The following SNX29 variants were observed in gnomAD, a reference collection of about 807,000 sequenced individuals.
The protein encoded by SNX29 is sorting nexin-29.
SNX29 carries 78 observed loss-of-function variants against 102.1 expected under a neutral mutation model. The ratio of observed to expected loss-of-function variants is 0.76; its 90% CI spans 0.64 to 0.92. SNX29 has a LOEUF of 0.92. Ranked by LOEUF, SNX29 falls within the 40% of genes least tolerant of loss-of-function variation. SNX29 has a pLI of 0.00. For missense variants in SNX29, 1,280 were observed against 1,061.7 expected (o/e 1.21, Z -2.86); for synonymous variants, 580 against 414.5 (o/e 1.40, Z -4.85).
intron 18 of SNX29, among the ~76,000 whole-genome samples, chr16:12,456,511 G>T (rs1178194649): frequency 6.6e-6 from 1 of 151,538 alleles, no homozygotes; most frequent in African/African-American, 2.4e-5. Flanking sequence ...GTGCACGTGT[G>T]TGTGTGTGTG....
At position 12,091,891 on chromosome 16, in the gene SNX29, C is replaced by T. The variant is rs991914044; in HGVS notation, c.1402+12976C>T. The stretch of plus-strand genomic sequence containing the variant: ...CAAGAAGAGGACCCTCACCAGATCC[C>T]GAATCTGTCGGTGCCTTGATCTTGG... On this transcript the variant is annotated intron_variant, in intron 11 of 20. Coordinates refer to ENST00000566228, the MANE Select transcript of SNX29 (RefSeq NM_032167.5). 2.6e-5 allele frequency among the ~76,000 whole-genome samples: 4 copies of T among 152,100 alleles called. No homozygotes were observed. In the South Asian group the frequency reaches 6.2e-4, roughly 24 times the overall value.
At chr16:12,274,844 C>T (rs919730796) in intron 14 of SNX29, among the ~76,000 whole-genome samples, 2 of 152,274 alleles carry the variant, frequency 1.3e-5, no homozygotes, top group East Asian at 1.9e-4. Flanking sequence ...GTTATAGTTT[C>T]ACTCTGTAAA....
intron 20 of SNX29, among the ~76,000 whole-genome samples, chr16:12,542,794 C>T (rs751378524): frequency 1.3e-5 from 2 of 150,954 alleles, no homozygotes; most frequent in East Asian, 2.0e-4. Context: ...TTAGTTAAAT[C>T]AGCAAGTAAG....
intron 20 of SNX29, among the ~76,000 whole-genome samples, chr16:12,540,084 ATTG>A (rs2077261105): frequency 6.6e-6 from 1 of 152,190 alleles, no homozygotes; most frequent in Non-Finnish European, 1.5e-5. Flanking sequence ...ATGTCTACCA[ATTG>A]TTAGCCTAAA....
intron 16 of SNX29, among the ~76,000 whole-genome samples, chr16:12,395,698 T>C (rs1285654375): frequency 6.6e-6 from 1 of 152,180 alleles, no homozygotes; most frequent in Non-Finnish European, 1.5e-5. Flanking sequence ...TTCTCCAAGA[T>C]TCCCCAGACT....
intron 16 of SNX29, among the ~76,000 whole-genome samples, chr16:12,385,782 GTAACTCTGTA>G (rs2083319587): frequency 6.6e-6 from 1 of 152,232 alleles, no homozygotes; most frequent in South Asian, 2.1e-4. Flanking sequence ...CCTTTTTCAA[GTAACTCTGTA>G]GGGTTTTCCC....
chr16:12,076,091 A>G (rs1397565306), intron 10 of SNX29, among the ~76,000 whole-genome samples: 1 of 152,184 alleles, frequency 6.6e-6, no homozygotes, highest in African/African-American at 2.4e-5. Context: ...TGAACAGGAA[A>G]GGGAACTCCC....
At chr16:12,242,101 G>C (rs1055549754) in intron 14 of SNX29, among the ~76,000 whole-genome samples, 1 of 152,104 alleles carries the variant, frequency 6.6e-6, no homozygotes, top group Non-Finnish European at 1.5e-5. Flanking sequence ...GAATGTGAGA[G>C]CTGGGGAGAA....
At position 12,568,991 on chromosome 16, in the gene SNX29, C is replaced by T. The variant is rs1244045335; in HGVS notation, c.*362C>T. On this transcript the variant is annotated 3_prime_UTR_variant, in exon 21 of 21. Transcript: ENST00000566228. ...GCCATGGTTGAGAGGCAAAGGTGAT[C>T]CCCTATATAGGAAGGTTCATGCAGA... 5 of 323,082 alleles carry T rather than the reference C, an allele frequency of 1.5e-5. No individual in the cohort carries two copies. The highest frequency in any genetic ancestry group is 2.8e-5 in the Non-Finnish European group (5 of 175,472). The allele number at this position is 323,082 out of a possible 1,614,324, so 20.0% of individuals were successfully genotyped here. A position where few individuals can be genotyped will look rare whatever the true frequency, so the allele number is the denominator to read the frequency against.
intron 19 of SNX29, among the ~76,000 whole-genome samples, chr16:12,519,207 A>C (rs2089996856): frequency 6.6e-6 from 1 of 152,214 alleles, no homozygotes; most frequent in Non-Finnish European, 1.5e-5. Context: ...CATACAAAAC[A>C]TACCTGTGGG....
chr16:12,296,960 C>T (rs1284026878), intron 15 of SNX29, among the ~76,000 whole-genome samples: 1 of 152,228 alleles, frequency 6.6e-6, no homozygotes, highest in Non-Finnish European at 1.5e-5. Flanking sequence ...TCACGGCATG[C>T]CTGGCTGCTG....
chr16:12,500,072 G>T (rs1014001918), intron 19 of SNX29, among the ~76,000 whole-genome samples: 11 of 152,142 alleles, frequency 7.2e-5, no homozygotes, highest in Non-Finnish European at 1.5e-4. Flanking sequence ...GCACACTGCA[G>T]CCTCAAACTC....
intron 13 of SNX29, among the ~76,000 whole-genome samples, chr16:12,194,766 A>G (rs2076729303): frequency 6.6e-6 from 1 of 151,800 alleles, no homozygotes; most frequent in East Asian, 1.9e-4. Context: ...AGCTGGGATT[A>G]CAGGCATGCA....
chr16:12,275,144 T>G lies in SNX29; in HGVS notation c.1679-2789T>G, dbSNP rs1596719739. On this transcript the variant is annotated intron_variant, in intron 14 of 20. Coordinates refer to ENST00000566228, the MANE Select transcript of SNX29 (RefSeq NM_032167.5). ...GATCCAAAGCTCCGTGAACTTTGACTTTGGGCCTCTTGGGGTGATCTGGCT... is the reference window on the plus strand; with the variant it reads ...GATCCAAAGCTCCGTGAACTTTGACGTTGGGCCTCTTGGGGTGATCTGGCT... Among the ~76,000 whole-genome samples, 6 of 152,232 alleles carry G rather than the reference T, an allele frequency of 3.9e-5. No individual in the cohort carries two copies. In the East Asian group the frequency reaches 1.2e-3, roughly 29 times the overall value.
intron 14 of SNX29, among the ~76,000 whole-genome samples, chr16:12,218,838 G>A (rs545809267): frequency 2.6e-5 from 4 of 151,950 alleles, no homozygotes; most frequent in South Asian, 2.1e-4. Context: ...GCAGTGGCGC[G>A]ACCTCGGCTC....
At chr16:12,548,021 C>T (rs2077718237) in intron 20 of SNX29, among the ~76,000 whole-genome samples, 1 of 152,108 alleles carries the variant, frequency 6.6e-6, no homozygotes, top group South Asian at 2.1e-4. Flanking sequence ...GACTTTTGCA[C>T]TGCTCATATT....
chr16:12,139,402 G>C (rs350274), intron 13 of SNX29, among the ~76,000 whole-genome samples: 98,118 of 151,964 alleles, frequency 0.65, 32,317 homozygotes, highest in East Asian at 0.91. Context: ...GAGGGCAGTG[G>C]CCCGTCCTTG....
intron 14 of SNX29, 23 bp from the exon 15 acceptor site, chr16:12,277,910 G>A (rs921145690): frequency 6.3e-7 from 1 of 1,575,470 alleles, no homozygotes; most frequent in Non-Finnish European, 8.7e-7. Flanking sequence ...AAATATTTAT[G>A]ACATGTCTCT....
At chr16:12,562,952 A>G (rs981622397) in intron 20 of SNX29, among the ~76,000 whole-genome samples, 5 of 152,304 alleles carry the variant, frequency 3.3e-5, no homozygotes, top group Middle Eastern at 3.4e-3. Context: ...AGAAGCAAAC[A>G]TTCACCCAAC....
Sources: gnomAD v4.1 joint callset for allele counts (sites outside exome capture counted in the v4.1 genomes callset) on GRCh38, gnomAD v4.1.1 for gene constraint, MANE v1.5 for transcripts, NCBI Gene and HGNC (gene_info 2026-07-23, HGNC 2026-07-21) for gene names.